The following DEPTOR variants were observed in gnomAD, a reference collection of about 807,000 sequenced individuals.
DEPTOR encodes DEP domain-containing mTOR-interacting protein.
A neutral mutation model predicts 41.6 loss-of-function variants in DEPTOR; 41 were observed. The observed-to-expected ratio is 0.98, with a 90% CI of 0.77 to 1.28. The LOEUF (loss-of-function observed/expected upper bound fraction) is 1.28. Among genes scored for constraint, DEPTOR ranks in the 50% most tolerant of loss-of-function variants. The pLI is 0.00. For synonymous variants in DEPTOR, 195 were observed against 192.3 expected (o/e 1.01, Z -0.12); for missense variants, 514 against 527.9 (o/e 0.97, Z 0.26).
chr8:120,034,281 A>C (rs1052966212), intron 8 of DEPTOR, among the ~76,000 whole-genome samples: 1 of 151,550 alleles, frequency 6.6e-6, no homozygotes, highest in South Asian at 2.1e-4. Context: ...ACACACACAC[A>C]CACACACACA....
At chr8:119,903,842 G>C (rs12677306) in intron 1 of DEPTOR, among the ~76,000 whole-genome samples, 108,685 of 152,010 alleles carry the variant, frequency 0.71, 39,352 homozygotes, top group East Asian at 0.95. Flanking sequence ...TCTGCATTTC[G>C]AATTTGGTCT....
chr8:120,037,929 T>C (rs1218571767), intron 8 of DEPTOR, among the ~76,000 whole-genome samples: 2 of 152,156 alleles, frequency 1.3e-5, no homozygotes, highest in African/African-American at 4.8e-5. Context: ...GTGAGCATTA[T>C]TCCATTTTTA....
intron 4 of DEPTOR, among the ~76,000 whole-genome samples, chr8:119,986,459 A>AT (rs1311477198): frequency 6.6e-6 from 1 of 151,134 alleles, no homozygotes; most frequent in Non-Finnish European, 1.5e-5. Context: ...TGCCCTTAAT[A>AT]TTTTTTCCTT....
intron 1 of DEPTOR, among the ~76,000 whole-genome samples, chr8:119,877,842 G>A (rs1346481937): frequency 6.6e-6 from 1 of 152,178 alleles, no homozygotes; most frequent in Admixed American, 6.5e-5. Context: ...AAAATAAATC[G>A]ATAAAGCAAG....
intron 1 of DEPTOR, among the ~76,000 whole-genome samples, chr8:119,912,400 A>G (rs1827756801): frequency 6.6e-6 from 1 of 152,228 alleles, no homozygotes; most frequent in Non-Finnish European, 1.5e-5. Flanking sequence ...CTGGGCCAGC[A>G]TGAACAGTTG....
rs114442408 is a variant in DEPTOR at position 119,994,627 on chromosome 8, A to G, written c.605-6898A>G. On this transcript the variant is annotated intron_variant, in intron 4 of 8. Coordinates refer to ENST00000286234, the MANE Select transcript of DEPTOR (RefSeq NM_022783.4). ...CGGAGAAGGGCAATGTGTTCTTTAAAGAAAGTTAGGCCAGGCGCAGTGGCT... is the reference window on the plus strand; with the variant it reads ...CGGAGAAGGGCAATGTGTTCTTTAAGGAAAGTTAGGCCAGGCGCAGTGGCT... Among the ~76,000 whole-genome samples the G allele has an allele frequency of 2.4e-3, 364 of 152,252 alleles. 1 individual carries two copies. Among genetic ancestry groups the G allele is most frequent in the African/African-American group, 8.0e-3 (333 of 41,536 alleles).
chr8:120,026,636 C>A (rs1486307000), intron 8 of DEPTOR, among the ~76,000 whole-genome samples: 1 of 152,076 alleles, frequency 6.6e-6, no homozygotes, highest in Middle Eastern at 3.2e-3. Context: ...AGTCACTGCA[C>A]CCCGCCAAGC....
intron 1 of DEPTOR, among the ~76,000 whole-genome samples, chr8:119,912,146 A>C (rs1209332675): frequency 1.3e-5 from 2 of 152,212 alleles, no homozygotes; most frequent in Non-Finnish European, 2.9e-5. Flanking sequence ...AATTTGGTGG[A>C]TAAATAGGAA....
intron 3 of DEPTOR, among the ~76,000 whole-genome samples, chr8:119,946,505 G>T (rs978926297): frequency 6.6e-6 from 1 of 151,622 alleles, no homozygotes; most frequent in Non-Finnish European, 1.5e-5. Context: ...ACTTTGGGAG[G>T]CCAAGGTGGT....
At chr8:119,881,398 C>T (rs1350101947) in intron 1 of DEPTOR, among the ~76,000 whole-genome samples, 2 of 151,984 alleles carry the variant, frequency 1.3e-5, no homozygotes, top group Non-Finnish European at 2.9e-5. Context: ...GTGGTGCGTG[C>T]TTGCAGTCCC....
chr8:119,972,539 C>T (rs771026246), intron 4 of DEPTOR, among the ~76,000 whole-genome samples: 1 of 151,540 alleles, frequency 6.6e-6, no homozygotes, highest in Non-Finnish European at 1.5e-5. Flanking sequence ...AGGAAAATTG[C>T]TGGAACCAAG....
At chr8:119,931,209 T>A (rs1346660875) in intron 3 of DEPTOR, among the ~76,000 whole-genome samples, 2 of 151,602 alleles carry the variant, frequency 1.3e-5, no homozygotes, top group Non-Finnish European at 2.9e-5. Flanking sequence ...AGACATCATC[T>A]CAAAACTAAA....
At chr8:119,915,945 T>TAAAAAA (rs201870960) in intron 1 of DEPTOR, among the ~76,000 whole-genome samples, 2 of 126,654 alleles carry the variant, frequency 1.6e-5, no homozygotes, top group African/African-American at 2.8e-5. Flanking sequence ...CTTCATTTGT[T>TAAAAAA]AAAAAAAAAA....
intron 1 of DEPTOR, among the ~76,000 whole-genome samples, chr8:119,892,666 T>A (rs1827466312): frequency 6.6e-6 from 1 of 152,180 alleles, no homozygotes; most frequent in Admixed American, 6.5e-5. Flanking sequence ...ATCTATGAAA[T>A]ACAAGAAGCT....
At chr8:119,949,805 G>A (rs190916323) in intron 3 of DEPTOR, among the ~76,000 whole-genome samples, 7 of 152,078 alleles carry the variant, frequency 4.6e-5, no homozygotes, top group African/African-American at 7.2e-5. Context: ...TCAGCCTCCT[G>A]AGTAGCTGGG....
At chr8:119,911,311 C>CTTTTT (rs147066045) in intron 1 of DEPTOR, among the ~76,000 whole-genome samples, 6 of 105,476 alleles carry the variant, frequency 5.7e-5, no homozygotes, top group South Asian at 3.3e-4. Context: ...TACACACATT[C>CTTTTT]TTTTTTTTTT....
At chr8:120,023,600 GGATGTTACCTA>G (rs1812755362) in intron 8 of DEPTOR, among the ~76,000 whole-genome samples, 1 of 152,036 alleles carries the variant, frequency 6.6e-6, no homozygotes, top group African/African-American at 2.4e-5. Context: ...ATATCTGCTG[GGATGTTACCTA>G]GATAAGATTC....
intron 8 of DEPTOR, among the ~76,000 whole-genome samples, chr8:120,032,037 A>G (rs569902598): frequency 6.6e-6 from 1 of 152,202 alleles, no homozygotes; most frequent in South Asian, 2.1e-4. Context: ...TTGGAAACTA[A>G]CAGCACTTCC....
intron 1 of DEPTOR, among the ~76,000 whole-genome samples, chr8:119,908,964 C>T (rs1412519895): frequency 1.4e-5 from 2 of 147,008 alleles, no homozygotes; most frequent in African/African-American, 4.9e-5. Flanking sequence ...AAAATAGATG[C>T]CAGGGCCTCA....
Sources: gnomAD v4.1 joint callset for allele counts (sites outside exome capture counted in the v4.1 genomes callset) on GRCh38, gnomAD v4.1.1 for gene constraint, MANE v1.5 for transcripts, NCBI Gene and HGNC (gene_info 2026-07-23, HGNC 2026-07-21) for gene names.